Variants in HSPE1 observed in about 807,000 individuals in gnomAD.
HSPE1 encodes the protein heat shock protein family E (Hsp10) member 1.
In HSPE1, 1 loss-of-function variant was observed where a neutral mutation model predicts 13.2. The ratio of observed to expected loss-of-function variants is 0.08; its 90% CI spans 0.03 to 0.36. The LOEUF (loss-of-function observed/expected upper bound fraction) is 0.36. Among genes scored for constraint, HSPE1 ranks in the 10% least tolerant of loss-of-function variants. The pLI, the probability that HSPE1 is intolerant of heterozygous loss-of-function variation, is 0.99. For missense variants in HSPE1, 73 were observed against 118.7 expected, an observed-to-expected ratio of 0.62 and a Z score of 1.79; for synonymous variants, 44 against 42.0, an observed-to-expected ratio of 1.05 and a Z score of -0.19.
Position 197,503,371 on chromosome 2 carries a change from A to G in HSPE1, c.*112A>G, listed in dbSNP as rs2086278827. ...ATTTCTCTTTTATAATAAACTAATG[A>G]TAACTAATGACATCCAGTGTCTCCA... On this transcript the variant is annotated 3_prime_UTR_variant, in exon 4 of 4. Coordinates refer to ENST00000233893, the MANE Select transcript of HSPE1 (RefSeq NM_002157.3). The G allele has an allele frequency of 1.4e-6, 1 of 689,960 alleles. No individual in the cohort carries two copies. Among genetic ancestry groups the G allele is most frequent in the South Asian group, 1.8e-5 (1 of 55,386 alleles). The allele number at this position is 689,960 out of a possible 1,614,324, so 42.7% of individuals were successfully genotyped here. A position where few individuals can be genotyped will look rare whatever the true frequency, so the allele number is the denominator to read the frequency against.
At chr2:197,502,995 G>C (rs760242924) in intron 2 of HSPE1, 44 bp from the exon 3 acceptor site, 1 of 1,037,596 alleles carries the variant, frequency 9.6e-7, no homozygotes, top group East Asian at 2.4e-5. Context: ...TTTATGTTGG[G>C]TGAACTAGAT....
intron 2 of HSPE1, among the ~76,000 whole-genome samples, chr2:197,502,375 T>C (rs973599125): frequency 1.3e-5 from 2 of 152,222 alleles, no homozygotes; most frequent in Non-Finnish European, 2.9e-5. Context: ...CCTCAGTTAA[T>C]TGTTTAGGCC....
chr2:197,500,400 C>T lies in HSPE1; in HGVS notation c.-37C>T. On this transcript the variant is annotated 5_prime_UTR_variant, in exon 1 of 4. Coordinates refer to ENST00000233893, the MANE Select transcript of HSPE1 (RefSeq NM_002157.3). Reference sequence around the variant, plus strand: ...GACTGCGAGTCTCTTTGCGGCGCTACACTAGAGCAGAGTACGAGTCTGAGG... The same window carrying T: ...GACTGCGAGTCTCTTTGCGGCGCTATACTAGAGCAGAGTACGAGTCTGAGG... 1 of 1,597,044 alleles carries T rather than the reference C, an allele frequency of 6.3e-7. No individual in the cohort carries two copies. Among genetic ancestry groups the T allele is most frequent in the Non-Finnish European group, 8.5e-7 (1 of 1,172,514 alleles).
intron 2 of HSPE1, among the ~76,000 whole-genome samples, chr2:197,502,427 C>T (rs745319047): frequency 1.3e-5 from 2 of 152,144 alleles, no homozygotes; most frequent in Non-Finnish European, 1.5e-5. Flanking sequence ...CAGTAAACGC[C>T]GTTGGGGCCA....
At chr2:197,500,591 C>T (rs976489929) in intron 1 of HSPE1, 152 bp downstream of exon 1, 2 of 1,202,470 alleles carry the variant, frequency 1.7e-6, no homozygotes, top group Middle Eastern at 2.4e-4. Context: ...GCAAGGCCCG[C>T]CCGACCCTTT....
chr2:197,500,379 G>T lies in HSPE1; in HGVS notation c.-58G>T. ...TTTCACGTGTCGCCAGGGCCGGACT[G>T]CGAGTCTCTTTGCGGCGCTACACTA... On this transcript the variant is annotated 5_prime_UTR_variant, in exon 1 of 4. Transcript: ENST00000233893. 2.5e-6 allele frequency: 4 copies of T among 1,581,408 alleles called. No homozygotes were observed. The South Asian group carries it at 4.6e-5, about 18-fold the overall frequency.
chr2:197,502,768 T>C (rs1442716631), intron 2 of HSPE1, among the ~76,000 whole-genome samples: 1 of 152,208 alleles, frequency 6.6e-6, no homozygotes, highest in Non-Finnish European at 1.5e-5. Context: ...TTAACTAAAG[T>C]TAGCTTTTCC....
At chr2:197,500,882 C>G (rs909314994) in intron 1 of HSPE1, 192 bp from the exon 2 acceptor site, 3 of 683,758 alleles carry the variant, frequency 4.4e-6, no homozygotes, top group Non-Finnish European at 7.3e-6. Flanking sequence ...CGACCCCTAA[C>G]AGACGTAAGG....
intron 1 of HSPE1, 21 bp from the exon 2 acceptor site, chr2:197,501,052 CA>C: frequency 3.1e-6 from 5 of 1,605,488 alleles, no homozygotes; most frequent in Non-Finnish European, 4.3e-6. Flanking sequence ...GTTTTTGTTT[CA>C]AAACATTTCT....
chr2:197,503,350 C>T lies in HSPE1; in HGVS notation c.*91C>T. ...CGTCATGTAAATAATTTCCATATTT[C>T]TCTTTTATAATAAACTAATGATAAC... is the stretch of plus-strand genomic sequence containing the variant. On this transcript the variant is annotated 3_prime_UTR_variant, in exon 4 of 4. Coordinates refer to ENST00000233893, the MANE Select transcript of HSPE1 (RefSeq NM_002157.3). 1.2e-6 allele frequency: 1 copy of T among 847,904 alleles called. No homozygotes were observed. Among genetic ancestry groups the T allele is most frequent in the African/African-American group, 1.7e-5 (1 of 59,174 alleles). The allele number at this position is 847,904 out of a possible 1,614,324, so 52.5% of individuals were successfully genotyped here.
rs373852232 is a variant in HSPE1, at chr2:197,500,402, C to T, written c.-35C>T. On this transcript the variant is annotated 5_prime_UTR_variant, in exon 1 of 4. Transcript: ENST00000233893. Reference sequence around the variant, plus strand: ...CTGCGAGTCTCTTTGCGGCGCTACACTAGAGCAGAGTACGAGTCTGAGGCG... The same window carrying T: ...CTGCGAGTCTCTTTGCGGCGCTACATTAGAGCAGAGTACGAGTCTGAGGCG... The T allele has an allele frequency of 7.5e-6, 12 of 1,597,706 alleles. No homozygotes were observed. Among genetic ancestry groups the T allele is most frequent in the South Asian group, 1.1e-5 (1 of 88,340 alleles).
intron 2 of HSPE1, among the ~76,000 whole-genome samples, chr2:197,502,798 T>C (rs2086272825): frequency 1.3e-5 from 2 of 152,210 alleles, no homozygotes; most frequent in Non-Finnish European, 2.9e-5. Flanking sequence ...TCTTGAACTT[T>C]TACGTTGGAG....
intron 1 of HSPE1, 170 bp downstream of exon 1, chr2:197,500,609 C>T (rs2086239190): frequency 9.7e-7 from 1 of 1,029,812 alleles, no homozygotes; most frequent in East Asian, 2.6e-5. Flanking sequence ...TTTTCTCCCC[C>T]AGGGCTCTTT....
At chr2:197,500,885 A>C (rs1186066842) in intron 1 of HSPE1, 189 bp from the exon 2 acceptor site, 3 of 689,756 alleles carry the variant, frequency 4.3e-6, no homozygotes, top group South Asian at 2.1e-5. Flanking sequence ...CCCCTAACAG[A>C]CGTAAGGAAT....
intron 2 of HSPE1, among the ~76,000 whole-genome samples, chr2:197,501,765 C>T (rs2086259133): frequency 1.1e-5 from 1 of 89,740 alleles, no homozygotes; most frequent in African/African-American, 4.8e-5. Context: ...GAGATTCTGT[C>T]TCAAAAAAAA....
Position 197,501,054 on chromosome 2 carries a change from A to G in HSPE1, c.4-20A>G, listed in dbSNP as rs755791347. ...GTGATTACATTTAGTTTTTGTTTCA[A>G]AACATTTCTCTTCCTACAGGCAGGA... is the stretch of plus-strand genomic sequence containing the variant. On this transcript the variant is annotated intron_variant, in intron 1 of 3. Transcript: ENST00000233893. 47 of 1,606,244 alleles carry G rather than the reference A, an allele frequency of 2.9e-5. No individual in the cohort carries two copies. The highest frequency in any genetic ancestry group is 3.8e-5 in the Non-Finnish European group (45 of 1,175,816).
Position 197,503,284 on chromosome 2 carries a change from C to G in HSPE1, c.*25C>G, listed in dbSNP as rs779282649. 6.9e-7 allele frequency: 1 copy of G among 1,456,836 alleles called. No homozygotes were observed. The highest frequency in any genetic ancestry group is 9.6e-7 in the Non-Finnish European group (1 of 1,046,316). 90.2% of individuals were successfully genotyped at this position (1,456,836 alleles called of 1,614,324 possible). A position where few individuals can be genotyped will look rare whatever the true frequency, so the allele number is the denominator to read the frequency against. ...AAATAAGTCACTATTGAAATGGCAT[C>G]AACATGATGCTGCCCATTCCACTGA... On this transcript the variant is annotated 3_prime_UTR_variant, in exon 4 of 4. Transcript: ENST00000233893.
At chr2:197,502,014 A>G (rs2086262757) in intron 2 of HSPE1, among the ~76,000 whole-genome samples, 1 of 152,156 alleles carries the variant, frequency 6.6e-6, no homozygotes, top group Admixed American at 6.5e-5. Context: ...AATACAAAAG[A>G]TGTGCTTCAA....
chr2:197,500,483 T>C, intron 1 of HSPE1, 44 bp downstream of exon 1: 1 of 1,569,626 alleles, frequency 6.4e-7, no homozygotes, highest in Middle Eastern at 1.7e-4. Flanking sequence ...CGGGCCTGTC[T>C]GAGGCGTACG....
Sources: allele counts gnomAD v4.1 joint callset (sites outside exome capture counted in the v4.1 genomes callset), GRCh38; gene constraint gnomAD v4.1.1; transcripts MANE v1.5; gene names NCBI Gene and HGNC (gene_info 2026-07-23, HGNC 2026-07-21).